REXO4: variants seen among roughly 807,000 people sequenced by gnomAD.
REXO4 encodes RNA exonuclease 4, also known as REX4 homolog, 3'-5' exonuclease.
Under a neutral mutation model 39.9 loss-of-function variants are expected in REXO4, and 29 were observed. The observed-to-expected ratio is 0.73, with a 90% CI of 0.54 to 0.99. The LOEUF (loss-of-function observed/expected upper bound fraction) is 0.99, where lower values mean the gene tolerates loss of function less well. Among genes scored for constraint, REXO4 ranks in the 50% least tolerant of loss-of-function variants. REXO4 has a pLI of 0.00. For missense variants in REXO4, 524 were observed against 546.5 expected, an observed-to-expected ratio of 0.96 and a Z score of 0.41; for synonymous variants, 184 against 206.2, an observed-to-expected ratio of 0.89 and a Z score of 0.92.
intron 5 of REXO4, among the ~76,000 whole-genome samples, chr9:133,410,517 G>A (rs181036827): frequency 6.6e-6 from 1 of 152,368 alleles, no homozygotes; most frequent in Admixed American, 6.5e-5. Context: ...TGAAGAACCA[G>A]GGGCTGCCCC....
At chr9:133,408,355 A>G (rs1378889762) in intron 6 of REXO4, among the ~76,000 whole-genome samples, 3 of 152,094 alleles carry the variant, frequency 2.0e-5, no homozygotes, top group Non-Finnish European at 2.9e-5. Flanking sequence ...GCTACTTCAG[A>G]GGCTAAGGTG....
At position 133,415,014 on chromosome 9, in the gene REXO4, G is replaced by A. The variant is rs941466510; in HGVS notation, c.226-3C>T. ...TGAGATTTTTGTTTCAGCAGCCACT[G>A]GGACCCAAAATAAAATACATGCTGC... On this transcript the variant is annotated splice_polypyrimidine_tract_variant and splice_region_variant and intron_variant, in intron 1 of 7. Transcript: ENST00000371942. 8.3e-6 allele frequency: 13 copies of A among 1,575,742 alleles called. No homozygotes were observed. The highest frequency in any genetic ancestry group is 2.2e-5 in the East Asian group (1 of 44,752).
In REXO4 at chr9:133,407,020, C is replaced by A. The variant is rs782815795; in HGVS notation, c.1202G>T (p.Trp401Leu). 1.5e-5 allele frequency: 24 copies of A among 1,613,278 alleles called. No individual in the cohort carries two copies. Among genetic ancestry groups the A allele is most frequent in the Non-Finnish European group, 1.9e-5 (23 of 1,180,008 alleles). Reference sequence around the variant, plus strand: ...GCGCCTGTCTCGGGCCATGCTCTCCCACTCCTTCTTCACCATGACGTACAG... The same window carrying A: ...GCGCCTGTCTCGGGCCATGCTCTCCAACTCCTTCTTCACCATGACGTACAG... The part of the protein sequence containing the change: ...MRLYVMVKKE[W>L]ESMARDRRPL... The change falls in exon 8 of 8, where the codon TGG becomes TTG. Residue 401 changes from tryptophan (W) to leucine (L), a missense_variant. Trp to Leu is a moderately conservative substitution (Grantham distance 61, BLOSUM62 -2). Transcript: ENST00000371942.
At chr9:133,410,543 C>T (rs587678745) in intron 5 of REXO4, among the ~76,000 whole-genome samples, 2 of 152,216 alleles carry the variant, frequency 1.3e-5, no homozygotes, top group Admixed American at 1.3e-4. Flanking sequence ...GGATTTTCCT[C>T]GGGACGCCAG....
rs143153905 is a variant in REXO4 at position 133,412,329 on chromosome 9, T to G, written c.880A>C (p.Ser294Arg). 16 of 1,613,988 alleles carry G rather than the reference T, an allele frequency of 9.9e-6. No individual in the cohort carries two copies. In the African/African-American group the frequency reaches 1.7e-4, roughly 18 times the overall value. The change falls in exon 4 of 8, where the codon AGT (serine) becomes CGT (arginine). Residue 294 changes from serine (S) to arginine (R), a missense_variant. Ser to Arg is a moderately radical substitution (Grantham distance 110, BLOSUM62 -1). Transcript: ENST00000371942. ...TTGAGGTTCTCAGGCCGAATCCCACTGACCGCTGTCCTATAGTCCGTCACG... is the reference window on the plus strand; with the variant it reads ...TTGAGGTTCTCAGGCCGAATCCCACGGACCGCTGTCCTATAGTCCGTCACG... Reference protein sequence around the residue: ...EPVTDYRTAVSGIRPENLKQG... With the variant: ...EPVTDYRTAVRGIRPENLKQG...
rs1047170255 is a variant in REXO4 at position 133,408,648 on chromosome 9, A to G, written c.1074+120T>C. 7.2e-6 allele frequency: 5 copies of G among 689,700 alleles called. No homozygotes were observed. The African/African-American group carries it at 9.2e-5, about 13-fold the overall frequency. The allele number at this position is 689,700 out of a possible 1,614,324, so 42.7% of individuals were successfully genotyped here. On this transcript the variant is annotated intron_variant, in intron 6 of 7. Transcript: ENST00000371942. Reference sequence around the variant, plus strand: ...ATTTTTAAACATTCCTTCTAGTTTTAAAGGTTAAAAGAAAAAACAAAAACC... The same window carrying G: ...ATTTTTAAACATTCCTTCTAGTTTTGAAGGTTAAAAGAAAAAACAAAAACC...
rs1046516622 is a variant in REXO4 at position 133,406,631 on chromosome 9, C to T, written c.*322G>A. 20 of 382,368 alleles carry T rather than the reference C, an allele frequency of 5.2e-5. No homozygotes were observed. Among genetic ancestry groups the T allele is most frequent in the African/African-American group, 3.7e-4 (18 of 48,706 alleles). The allele number at this position is 382,368 out of a possible 1,614,324, so 23.7% of individuals were successfully genotyped here. Reference sequence around the variant, plus strand: ...CACCGAAGATGGGCAGTGACAGCACCGTATGGACTGGCGGCCCACAGGCCC... The same window carrying T: ...CACCGAAGATGGGCAGTGACAGCACTGTATGGACTGGCGGCCCACAGGCCC... On this transcript the variant is annotated 3_prime_UTR_variant, in exon 8 of 8. Transcript: ENST00000371942.
chr9:133,412,519 T>C, intron 3 of REXO4, 27 bp from the exon 4 acceptor site: 2 of 1,611,688 alleles, frequency 1.2e-6, no homozygotes, highest in Non-Finnish European at 1.7e-6. Flanking sequence ...GGCTGTAGTT[T>C]AATAAACACG....
In REXO4 at chr9:133,408,758, T is replaced by A. The variant is rs1588129649; in HGVS notation, c.1074+10A>T. 23 of 1,568,206 alleles carry A rather than the reference T, an allele frequency of 1.5e-5. No individual in the cohort carries two copies. The highest frequency in any genetic ancestry group is 1.8e-5 in the Non-Finnish European group (21 of 1,141,466). ...AATACAGTATCTTGAGTCACACTCA[T>A]TCTAAGTACCTTTACTTGACTCTTG... On this transcript the variant is annotated intron_variant, in intron 6 of 7. Coordinates refer to ENST00000371942, the MANE Select transcript of REXO4 (RefSeq NM_020385.4).
intron 2 of REXO4, 68 bp downstream of exon 2, chr9:133,414,597 C>G (rs1554781069): frequency 7.1e-7 from 1 of 1,414,910 alleles, no homozygotes; most frequent in Non-Finnish European, 1.0e-6. Flanking sequence ...CACCAGCCTC[C>G]ATAAGGAGAC....
rs1839252981 is a variant in REXO4 at position 133,412,299 on chromosome 9, C to A, written c.910G>T (p.Gly304Ter). ...AGTTCCTGAGCTGTGGATGACATAC[C>A]CTGCTTGAGGTTCTCAGGCCGAATC... ...SGIRPENLKQ[G>*]EELEVVQKEV... is the part of the protein sequence containing the mutation. The change falls in exon 4 of 8, where the codon GGA becomes TGA. Residue 304 changes from glycine to a stop codon, truncating the protein, a stop_gained and splice_region_variant. Transcript: ENST00000371942. LOFTEE classifies it high-confidence loss of function. The A allele has an allele frequency of 1.2e-6, 2 of 1,613,116 alleles. No individual in the cohort carries two copies. Among genetic ancestry groups the A allele is most frequent in the Non-Finnish European group, 8.5e-7 (1 of 1,179,828 alleles).
At chr9:133,411,587 AC>A (rs1235291931) in intron 4 of REXO4, among the ~76,000 whole-genome samples, 1 of 152,182 alleles carries the variant, frequency 6.6e-6, no homozygotes, top group Non-Finnish European at 1.5e-5. Flanking sequence ...GGGTGATTAG[AC>A]CAAGGGTGGC....
chr9:133,407,133 C>T, intron 7 of REXO4, 61 bp from the exon 8 acceptor site: 2 of 1,603,464 alleles, frequency 1.2e-6, no homozygotes, highest in Non-Finnish European at 1.7e-6. Context: ...CAGTCAACCC[C>T]ACAATGACTG....
Position 133,406,121 on chromosome 9 carries a change from T to C in REXO4, c.*832A>G, listed in dbSNP as rs1588125575. The C allele has an allele frequency of 6.6e-6, 1 of 152,260 alleles. No homozygotes were observed. Among genetic ancestry groups the C allele is most frequent in the African/African-American group, 2.4e-5 (1 of 41,452 alleles). The allele number at this position is 152,260 out of a possible 1,614,324, so 9.4% of individuals were successfully genotyped here. ...ATCCTCGGTGTGTCTGCCCCTTTTC[T>C]GTCCAGCTGTCAGGTGGCCCAATAA... is the stretch of plus-strand genomic sequence containing the variant. On this transcript the variant is annotated 3_prime_UTR_variant, in exon 8 of 8. Transcript: ENST00000371942.
intron 7 of REXO4, 113 bp downstream of exon 7, chr9:133,407,694 A>G (rs935409967): frequency 5.6e-6 from 4 of 708,494 alleles, no homozygotes; most frequent in Admixed American, 3.0e-5. Flanking sequence ...GCCTCGTAGG[A>G]TAAGTAGGTG....
Position 133,417,787 on chromosome 9 carries a change from G to C in REXO4, c.58C>G (p.Pro20Ala). Residue 20 changes from proline to alanine, a missense_variant, in exon 1 of 8, where the codon CCG becomes GCG. Physicochemically the swap from Pro to Ala is conservative, Grantham distance 27. Transcript: ENST00000371942. ...KRAPSSPVAK[P>A]GPVKTLTRKK... is the part of the protein sequence containing the mutation. ...CGAGTGAGCGTCTTGACAGGACCCG[G>C]CTTAGCCACGGGGCTGCTCGGGGCG... is the stretch of plus-strand genomic sequence containing the variant. 1 of 1,609,940 alleles carries C rather than the reference G, an allele frequency of 6.2e-7. No individual in the cohort carries two copies. Among genetic ancestry groups the C allele is most frequent in the South Asian group, 1.1e-5 (1 of 91,078 alleles).
rs782720845 is a variant in REXO4, at chr9:133,408,785, A to G, written c.1057T>C (p.Phe353Leu). The change falls in exon 6 of 8, where the codon TTC (phenylalanine) becomes CTC (leucine). Residue 353 changes from phenylalanine to leucine, a missense_variant. Phe to Leu is a conservative substitution (Grantham distance 22, BLOSUM62 0). Coordinates refer to ENST00000371942, the MANE Select transcript of REXO4 (RefSeq NM_020385.4). ...KIRDTQKYKP[F>L]KSQVKSGRPS... The stretch of plus-strand genomic sequence containing the variant: ...CTAAGTACCTTTACTTGACTCTTGA[A>G]AGGTTTATATTTCTGTGTGTCCCGA... The G allele has an allele frequency of 2.5e-6, 4 of 1,598,240 alleles. No individual in the cohort carries two copies. Among genetic ancestry groups the G allele is most frequent in the Non-Finnish European group, 3.4e-6 (4 of 1,166,908 alleles).
Position 133,411,165 on chromosome 9 carries a change from C to G in REXO4, c.911-92G>C, listed in dbSNP as rs1839193560. On this transcript the variant is annotated intron_variant, in intron 4 of 7. Transcript: ENST00000371942. Reference sequence around the variant, plus strand: ...AGCCCCGCTCCTACCCCTGGTCAGACCTAAGACAAATGGTCAGGCCTGCAA... The same window carrying G: ...AGCCCCGCTCCTACCCCTGGTCAGAGCTAAGACAAATGGTCAGGCCTGCAA... The G allele has an allele frequency of 2.9e-6, 3 of 1,048,414 alleles. No individual in the cohort carries two copies. In the African/African-American group the frequency reaches 4.7e-5, roughly 16 times the overall value. The allele number at this position is 1,048,414 out of a possible 1,614,324, so 64.9% of individuals were successfully genotyped here.
chr9:133,410,879 T>G (rs587747864), intron 5 of REXO4, 106 bp downstream of exon 5: 2 of 806,738 alleles, frequency 2.5e-6, no homozygotes, highest in Admixed American at 2.0e-5. Context: ...ATTCCCAACA[T>G]AGAGCACAAA....
Sources: gnomAD v4.1 joint callset for allele counts (sites outside exome capture counted in the v4.1 genomes callset) on GRCh38, gnomAD v4.1.1 for gene constraint, MANE v1.5 for transcripts, NCBI Gene and HGNC (gene_info 2026-07-23, HGNC 2026-07-21) for gene names.